The following TENM2 variants were observed in gnomAD, a reference collection of about 807,000 sequenced individuals.
The protein encoded by TENM2 is teneurin transmembrane protein 2.
In TENM2, 52 loss-of-function variants were observed where a neutral mutation model predicts 245.2. That is an observed-to-expected ratio of 0.21 (90% CI 0.17 to 0.27). The LOEUF is 0.27. Ranked by LOEUF, TENM2 falls within the 10% of genes least tolerant of loss-of-function variation. The probability of loss-of-function intolerance (pLI) is 1.00; values close to 1 mark genes in which losing one functional copy is unlikely to be tolerated. For synonymous variants in TENM2, 1,363 were observed against 1,438.9 expected (o/e 0.95, Z 1.19); for missense variants, 3,046 against 3,666.8 (o/e 0.83, Z 4.37).
chr5:167,524,477 T>G (rs2127585805), intron 2 of TENM2, among the ~76,000 whole-genome samples: 1 of 152,278 alleles, frequency 6.6e-6, no homozygotes, highest in East Asian at 1.9e-4. Flanking sequence ...TTTATTATTC[T>G]ATCTCCTTTC....
intron 3 of TENM2, among the ~76,000 whole-genome samples, chr5:167,928,970 GAGGA>G (rs1777988936): frequency 6.9e-6 from 1 of 144,274 alleles, no homozygotes; most frequent in Non-Finnish European, 1.5e-5. Context: ...GAAATAAAGG[GAGGA>G]AGGAAGGGAG....
In TENM2 at chr5:167,558,038, A is replaced by G. The variant is rs530596034; in HGVS notation, c.502+182565A>G. ...TATTTTGTTTTTAAGATAATTGCAT[A>G]GAAGATCTTCTAAAAGCCGTGAAAC... On this transcript the variant is annotated intron_variant, in intron 2 of 28. Transcript: ENST00000518659. Among the ~76,000 whole-genome samples, 17 of 152,342 alleles carry G rather than the reference A, an allele frequency of 1.1e-4. No homozygotes were observed. The East Asian group carries it at 3.3e-3, about 29-fold the overall frequency.
chr5:168,033,944 G>A (rs1432730278), intron 5 of TENM2, among the ~76,000 whole-genome samples: 5 of 150,364 alleles, frequency 3.3e-5, no homozygotes, highest in Non-Finnish European at 5.9e-5. Flanking sequence ...GGAGAATGGC[G>A]TGAACCTGGG....
the TENM2 span, among the ~76,000 whole-genome samples, chr5:167,042,895 C>G: frequency 6.6e-5 from 10 of 152,150 alleles, no homozygotes; most frequent in African/African-American, 2.4e-4. Context: ...TGATTGAAAG[C>G]TAAAGAGATT....
At position 167,776,593 on chromosome 5, in the gene TENM2, G is replaced by GAAAAAAAAAAAAAAAAA. The variant is rs869252752; in HGVS notation, c.503-99376_503-99360dup. Among the ~76,000 whole-genome samples, 25 of 36,024 alleles carry GAAAAAAAAAAAAAAAAA rather than the reference G, an allele frequency of 6.9e-4. 1 individual carries two copies. Among genetic ancestry groups the GAAAAAAAAAAAAAAAAA allele is most frequent in the Non-Finnish European group, 1.2e-3 (22 of 17,814 alleles). The allele number at this position is 36,024 out of a possible 152,430, so 23.6% of individuals were successfully genotyped here. On this transcript the variant is annotated intron_variant, in intron 2 of 28. Coordinates refer to ENST00000518659, the Ensembl canonical transcript of TENM2. Reference sequence around the variant, plus strand: ...TTGGGCAGCAGATGAGACCCTGTCTGAAAAAAAAAAAAAAAAAAAAAAAAA... The same window carrying GAAAAAAAAAAAAAAAAA: ...TTGGGCAGCAGATGAGACCCTGTCTGAAAAAAAAAAAAAAAAAAAAAAAAAAAAAAAAAAAAAAAAAA...
the TENM2 span, among the ~76,000 whole-genome samples, chr5:167,157,436 T>C: frequency 2.9e-4 from 44 of 152,188 alleles, no homozygotes; most frequent in African/African-American, 9.9e-4. Context: ...TACCATATTA[T>C]TAGATCATGA....
the TENM2 span, among the ~76,000 whole-genome samples, chr5:166,979,194 C>CAGCAGCAGCAGCAGCAGCAGCAGCAGCAG: frequency 4.2e-5 from 6 of 142,042 alleles, no homozygotes; most frequent in African/African-American, 1.4e-4. Context: ...AGCACCACCA[C>CAGCAGCAGCAGCAGCAGCAGCAGCAGCAG]CAGCAGCAGC....
chr5:167,418,187 G>A (rs1251195496), intron 2 of TENM2, among the ~76,000 whole-genome samples: 1 of 152,076 alleles, frequency 6.6e-6, no homozygotes, highest in Non-Finnish European at 1.5e-5. Context: ...AAATTAGCAG[G>A]GTGTGGTGGC....
chr5:167,764,660 C>T (rs564520555), intron 2 of TENM2, among the ~76,000 whole-genome samples: 8 of 152,122 alleles, frequency 5.3e-5, no homozygotes, highest in Admixed American at 3.9e-4. Flanking sequence ...CACTTGGAGA[C>T]GGTGGGCCGG....
intron 5 of TENM2, among the ~76,000 whole-genome samples, chr5:168,028,818 A>T: frequency 7.2e-6 from 1 of 137,960 alleles, no homozygotes; most frequent in East Asian, 2.2e-4. Context: ...AAAAAAAAAA[A>T]TGGGCTTGTG....
intron 2 of TENM2, among the ~76,000 whole-genome samples, chr5:167,710,874 T>A (rs547161077): frequency 2.0e-5 from 3 of 152,322 alleles, no homozygotes; most frequent in Admixed American, 2.0e-4. Flanking sequence ...AGTTGAGTAG[T>A]TACTGCGGTA....
chr5:168,013,832 C>T (rs1785451565), intron 5 of TENM2, among the ~76,000 whole-genome samples: 1 of 152,190 alleles, frequency 6.6e-6, no homozygotes, highest in African/African-American at 2.4e-5. Context: ...AGTCCAGCAT[C>T]GCTGTGTCAG....
chr5:167,242,759 G>A, the TENM2 span, among the ~76,000 whole-genome samples: 1 of 152,092 alleles, frequency 6.6e-6, no homozygotes, highest in Admixed American at 6.6e-5. Context: ...TACTGGCAAG[G>A]CTTCCAGTGA....
At chr5:167,075,786 C>A in the TENM2 span, among the ~76,000 whole-genome samples, 1 of 152,170 alleles carries the variant, frequency 6.6e-6, no homozygotes, top group African/African-American at 2.4e-5. Flanking sequence ...AGAACTTCCT[C>A]CTGCTAACTG....
At chr5:167,885,744 C>A (rs1407172797) in intron 3 of TENM2, among the ~76,000 whole-genome samples, 2 of 152,204 alleles carry the variant, frequency 1.3e-5, no homozygotes, top group African/African-American at 4.8e-5. Flanking sequence ...AGTGCAATGG[C>A]ATGGTCTTGG....
Position 167,741,780 on chromosome 5 carries a change from T to A in TENM2, c.503-134206T>A, listed in dbSNP as rs950941838. Among the ~76,000 whole-genome samples the A allele has an allele frequency of 2.6e-5, 4 of 152,336 alleles. No individual in the cohort carries two copies. In the East Asian group the frequency reaches 5.8e-4, roughly 22 times the overall value. On this transcript the variant is annotated intron_variant, in intron 2 of 28. Coordinates refer to ENST00000518659, the Ensembl canonical transcript of TENM2. ...CAGACCTCACTGACGCTTCACCATCTTCAGCCCCTCATTCCCAATGTATCT... is the reference window on the plus strand; with the variant it reads ...CAGACCTCACTGACGCTTCACCATCATCAGCCCCTCATTCCCAATGTATCT...
chr5:168,224,651 G>A (rs888791753), intron 23 of TENM2, among the ~76,000 whole-genome samples: 4 of 151,966 alleles, frequency 2.6e-5, no homozygotes, highest in East Asian at 3.9e-4. Context: ...CCATCCCCAC[G>A]CGCTGCACAA....
intron 5 of TENM2, among the ~76,000 whole-genome samples, chr5:168,039,244 G>A (rs114475855): frequency 4.1e-4 from 62 of 152,284 alleles, no homozygotes; most frequent in African/African-American, 1.4e-3. Flanking sequence ...TGCAGCCTGC[G>A]TCTTCTTTCC....
chr5:168,033,453 A>AT (rs926512057), intron 5 of TENM2, among the ~76,000 whole-genome samples: 25 of 151,304 alleles, frequency 1.7e-4, no homozygotes, highest in Middle Eastern at 3.4e-3. Context: ...CTCAAAGGTG[A>AT]TTTTTTTTTA....
Sources: allele counts gnomAD v4.1 joint callset (sites outside exome capture counted in the v4.1 genomes callset), GRCh38; gene constraint gnomAD v4.1.1; transcripts MANE v1.5; gene names NCBI Gene and HGNC (gene_info 2026-07-23, HGNC 2026-07-21).